Variants in ARHGAP24 observed in about 807,000 individuals in gnomAD.
ARHGAP24 encodes rho GTPase-activating protein 24.
Under a neutral mutation model 76.4 loss-of-function variants are expected in ARHGAP24, and 50 were observed. That is an observed-to-expected ratio of 0.65 (90% CI 0.52 to 0.83). The LOEUF is 0.83. ARHGAP24 is among the 40% of genes least tolerant of loss of function. The pLI, the probability that ARHGAP24 is intolerant of heterozygous loss-of-function variation, is 0.00. For synonymous variants in ARHGAP24, 345 were observed against 323.3 expected (o/e 1.07, Z -0.72); for missense variants, 930 against 914.2 (o/e 1.02, Z -0.22).
chr4:86,001,106 TATC>T lies in ARHGAP24; in HGVS notation c.*388_*390del. 1 of 391,992 alleles carries T rather than the reference TATC, an allele frequency of 2.6e-6. No homozygotes were observed. Among genetic ancestry groups the T allele is most frequent in the Non-Finnish European group, 4.5e-6 (1 of 223,530 alleles). The allele number at this position is 391,992 out of a possible 1,614,324, so 24.3% of individuals were successfully genotyped here. A position where few individuals can be genotyped will look rare whatever the true frequency, so the allele number is the denominator to read the frequency against. The stretch of plus-strand genomic sequence containing the variant: ...ACATAAGCTATTTTTGGCATTGTGT[TATC>T]ATCGGCTTATTTTATAGATCAATAT... On this transcript the variant is annotated 3_prime_UTR_variant, in exon 10 of 10. Transcript: ENST00000395184.
chr4:85,664,506 A>G (rs1230399570), intron 2 of ARHGAP24, among the ~76,000 whole-genome samples: 1 of 149,836 alleles, frequency 6.7e-6, no homozygotes. Flanking sequence ...TTGTGTCTCT[A>G]TTTCCTTCAG....
At position 86,002,041 on chromosome 4, in the gene ARHGAP24, G is replaced by C. The variant is rs1741051644; in HGVS notation, c.*1319G>C. 1 of 152,192 alleles carries C rather than the reference G, an allele frequency of 6.6e-6. No individual in the cohort carries two copies. The highest frequency in any genetic ancestry group is 2.4e-5 in the African/African-American group (1 of 41,440). 9.4% of individuals were successfully genotyped at this position (152,192 alleles called of 1,614,324 possible). A position where few individuals can be genotyped will look rare whatever the true frequency, so the allele number is the denominator to read the frequency against. On this transcript the variant is annotated 3_prime_UTR_variant, in exon 10 of 10. Coordinates refer to ENST00000395184, the MANE Select transcript of ARHGAP24 (RefSeq NM_001025616.3). ...AAAAACCCAGGGCTCTTTGGAGCTA[G>C]AGTTTTGGGAGAACAGTTCTTCACA...
At chr4:85,509,451 T>C (rs1341786716) in intron 1 of ARHGAP24, among the ~76,000 whole-genome samples, 1 of 151,756 alleles carries the variant, frequency 6.6e-6, no homozygotes, top group Admixed American at 6.6e-5. Flanking sequence ...GGCTAGATTA[T>C]AAAAAAAAGT....
chr4:85,761,255 G>C (rs1040040642), intron 3 of ARHGAP24, among the ~76,000 whole-genome samples: 2 of 152,068 alleles, frequency 1.3e-5, no homozygotes, highest in Admixed American at 1.3e-4. Context: ...AAAGAAATAC[G>C]TGCCCAAAAT....
chr4:85,491,232 G>T (rs1484225386), intron 1 of ARHGAP24, among the ~76,000 whole-genome samples: 1 of 152,124 alleles, frequency 6.6e-6, no homozygotes, highest in Admixed American at 6.5e-5. Context: ...CATAATTAAT[G>T]ATTGGTTTTA....
At chr4:85,660,888 G>T (rs974238361) in intron 2 of ARHGAP24, among the ~76,000 whole-genome samples, 6 of 146,784 alleles carry the variant, frequency 4.1e-5, no homozygotes, top group African/African-American at 1.5e-4. Flanking sequence ...GTTTCAATTT[G>T]TAGCCGATTT....
At chr4:85,808,377 T>G (rs1728878906) in intron 3 of ARHGAP24, among the ~76,000 whole-genome samples, 1 of 152,074 alleles carries the variant, frequency 6.6e-6, no homozygotes, top group African/African-American at 2.4e-5. Context: ...CACTTTAACC[T>G]TTTTTTTCTT....
intron 2 of ARHGAP24, among the ~76,000 whole-genome samples, chr4:85,645,774 T>A (rs998011459): frequency 2.0e-5 from 3 of 152,258 alleles, no homozygotes; most frequent in South Asian, 2.1e-4. Context: ...AAGACACTGA[T>A]AATCCAGCTG....
chr4:85,756,677 C>G (rs893734013), intron 3 of ARHGAP24, among the ~76,000 whole-genome samples: 1 of 152,082 alleles, frequency 6.6e-6, no homozygotes, highest in African/African-American at 2.4e-5. Flanking sequence ...AAAAATTCTC[C>G]TAAGTCACAC....
intron 3 of ARHGAP24, among the ~76,000 whole-genome samples, chr4:85,897,711 T>C (rs1029093692): frequency 6.6e-6 from 1 of 152,234 alleles, no homozygotes; most frequent in African/African-American, 2.4e-5. Context: ...TTCTTTCTCA[T>C]TTATCTTCCT....
At chr4:85,615,208 G>A (rs551872049) in intron 2 of ARHGAP24, among the ~76,000 whole-genome samples, 1 of 152,080 alleles carries the variant, frequency 6.6e-6, no homozygotes, top group East Asian at 1.9e-4. Context: ...TTTTGTGCAT[G>A]CAGTTTGTAT....
chr4:85,546,812 C>T (rs1578023908), intron 1 of ARHGAP24, among the ~76,000 whole-genome samples: 1 of 152,274 alleles, frequency 6.6e-6, no homozygotes, highest in South Asian at 2.1e-4. Context: ...TACTTTTGCA[C>T]TTATAGAAAA....
At chr4:85,858,922 C>CA (rs1015476277) in intron 3 of ARHGAP24, among the ~76,000 whole-genome samples, 1 of 149,934 alleles carries the variant, frequency 6.7e-6, no homozygotes, top group African/African-American at 2.4e-5. Flanking sequence ...CCTTTCATAT[C>CA]AACTTCAGTA....
chr4:85,512,817 G>T (rs950055173), intron 1 of ARHGAP24, among the ~76,000 whole-genome samples: 2 of 152,194 alleles, frequency 1.3e-5, no homozygotes, highest in Non-Finnish European at 2.9e-5. Flanking sequence ...AGAAATGGAG[G>T]CAGAGAAAGG....
rs373999492 is a variant in ARHGAP24 at position 85,860,294 on chromosome 4, C to T, written c.269-63354C>T. On this transcript the variant is annotated intron_variant, in intron 3 of 9. Coordinates refer to ENST00000395184, the MANE Select transcript of ARHGAP24 (RefSeq NM_001025616.3). ...TGACTTGTTGAAATATGGTGCCCCA[C>T]GAGGGCTCACTCATATATGAGTCAG... 1.4e-4 allele frequency among the ~76,000 whole-genome samples: 22 copies of T among 152,046 alleles called. No homozygotes were observed. In the South Asian group the frequency reaches 3.5e-3, roughly 24 times the overall value.
Position 85,636,292 on chromosome 4 carries a change from A to C in ARHGAP24, c.180+65571A>C, listed in dbSNP as rs143811268. Among the ~76,000 whole-genome samples the C allele has an allele frequency of 6.1e-3, 932 of 151,638 alleles. 9 individuals carry two copies. The highest frequency in any genetic ancestry group is 0.021 in the African/African-American group (874 of 41,346). ...TTGTCTTTACATTTCTTCTCTTCAGATGTTTTCTTACAGTAAATTAATAAT... is the reference window on the plus strand; with the variant it reads ...TTGTCTTTACATTTCTTCTCTTCAGCTGTTTTCTTACAGTAAATTAATAAT... On this transcript the variant is annotated intron_variant, in intron 2 of 9. Coordinates refer to ENST00000395184, the MANE Select transcript of ARHGAP24 (RefSeq NM_001025616.3).
chr4:85,993,596 A>G (rs1740467010), intron 8 of ARHGAP24, among the ~76,000 whole-genome samples: 1 of 152,182 alleles, frequency 6.6e-6, no homozygotes, highest in Non-Finnish European at 1.5e-5. Flanking sequence ...CCTCTCAATT[A>G]GCTGCTGTTG....
At chr4:85,832,592 C>T (rs1018901324) in intron 3 of ARHGAP24, among the ~76,000 whole-genome samples, 5 of 152,186 alleles carry the variant, frequency 3.3e-5, no homozygotes, top group Non-Finnish European at 7.3e-5. Flanking sequence ...TTGTGGACAA[C>T]CCTCTCTTAA....
chr4:85,721,260 C>T (rs1226215360), intron 2 of ARHGAP24, among the ~76,000 whole-genome samples: 3 of 151,772 alleles, frequency 2.0e-5, no homozygotes, highest in Non-Finnish European at 2.9e-5. Flanking sequence ...GCCGGGTGTG[C>T]TGGCAGATGC....
Sources: allele counts gnomAD v4.1 joint callset (sites outside exome capture counted in the v4.1 genomes callset), GRCh38; gene constraint gnomAD v4.1.1; transcripts MANE v1.5; gene names NCBI Gene and HGNC (gene_info 2026-07-23, HGNC 2026-07-21).